Variants in LY6S observed in about 807,000 individuals in gnomAD.
LY6S encodes lymphocyte antigen 6 family member S, also known as lymphocyte antigen 6S.
At chr8:143,075,152 T>A in the LY6S span, among the ~76,000 whole-genome samples, 1 of 152,232 alleles carries the variant, frequency 6.6e-6, no homozygotes, top group East Asian at 1.9e-4. The surrounding 1 kb of genome is among the most constrained non-coding windows in gnomAD (Gnocchi z 4.1). Flanking sequence ...CCTTATTCAG[T>A]CTTGCCAGAT....
At chr8:143,069,250 C>G in the LY6S span, among the ~76,000 whole-genome samples, 1 of 152,174 alleles carries the variant, frequency 6.6e-6, no homozygotes, top group African/African-American at 2.4e-5. Context: ...GCTTAGTCAC[C>G]CTGTAACTGA....
the LY6S span, among the ~76,000 whole-genome samples, chr8:143,055,037 G>A: frequency 2.6e-5 from 4 of 152,280 alleles, no homozygotes; most frequent in Non-Finnish European, 4.4e-5. Context: ...CAGTTTGGTC[G>A]TAGAACGAAT....
chr8:143,057,743 G>A, the LY6S span: 1 of 788,774 alleles, frequency 1.3e-6, no homozygotes, highest in African/African-American at 1.7e-5. Flanking sequence ...CTTAATCACT[G>A]TGTCGATCTG....
the LY6S span, among the ~76,000 whole-genome samples, chr8:143,073,471 GC>G: frequency 7.4e-6 from 1 of 134,426 alleles, no homozygotes; most frequent in Non-Finnish European, 1.6e-5. Context: ...CGTCCCCGGG[GC>G]TCCTGTTTGA....
At chr8:143,058,990 T>A in the LY6S span, among the ~76,000 whole-genome samples, 1 of 152,274 alleles carries the variant, frequency 6.6e-6, no homozygotes, top group African/African-American at 2.4e-5. Flanking sequence ...TAAAGAGTAA[T>A]TGCTACAAAC....
the LY6S span, among the ~76,000 whole-genome samples, chr8:143,075,810 T>G: frequency 1.3e-5 from 2 of 152,348 alleles, no homozygotes; most frequent in African/African-American, 4.8e-5. This position sits in a 1 kb window ranked among gnomAD's most constrained non-coding sequence, Gnocchi z 4.1. Context: ...GATAGTAGTA[T>G]CTTAGTTTTA....
At chr8:143,071,811 C>T in the LY6S span, among the ~76,000 whole-genome samples, 914 of 152,196 alleles carry the variant, frequency 6.0e-3, 8 homozygotes, top group African/African-American at 0.021. Context: ...GGAGGGTCTC[C>T]ACTTAATCTT....
the LY6S span, among the ~76,000 whole-genome samples, chr8:143,056,409 AT>A: frequency 6.6e-6 from 1 of 152,004 alleles, no homozygotes; most frequent in East Asian, 1.9e-4. Context: ...TTAAAGTAAT[AT>A]TTTTCTATAT....
chr8:143,073,873 C>T, the LY6S span, among the ~76,000 whole-genome samples: 6 of 148,296 alleles, frequency 4.0e-5, no homozygotes, highest in South Asian at 1.3e-3. Flanking sequence ...AGCCATCGTC[C>T]CCGGGGTTCC....
the LY6S span, among the ~76,000 whole-genome samples, chr8:143,070,418 ATATTTATATATATATTATATATATAT>A: frequency 2.2e-4 from 25 of 114,542 alleles, 1 homozygote; most frequent in East Asian, 4.2e-3. Flanking sequence ...TTATGTATAT[ATATTTATATATATATTATATATATAT>A]TGTATATATA....
the LY6S span, among the ~76,000 whole-genome samples, chr8:143,044,427 C>T: frequency 3.3e-5 from 5 of 152,086 alleles, no homozygotes; most frequent in Non-Finnish European, 5.9e-5. Context: ...CCCGGAACAT[C>T]CCCTGTCCCT....
the LY6S span, chr8:143,066,604 G>A: frequency 4.9e-5 from 12 of 247,182 alleles, no homozygotes; most frequent in African/African-American, 6.8e-5. Flanking sequence ...GGCATAGACC[G>A]GAAAGAGGAC....
chr8:143,070,477 A>T, the LY6S span, among the ~76,000 whole-genome samples: 18 of 11,296 alleles, frequency 1.6e-3, no homozygotes, highest in African/African-American at 3.1e-3. Context: ...ATATATATAA[A>T]TATATATATA....
chr8:143,041,575 C>T, the LY6S span, among the ~76,000 whole-genome samples: 10 of 151,976 alleles, frequency 6.6e-5, no homozygotes, highest in East Asian at 3.9e-4. Context: ...CCTCAGCTTA[C>T]GAAGATGATG....
chr8:143,048,248 T>C, the LY6S span, among the ~76,000 whole-genome samples: 1 of 152,202 alleles, frequency 6.6e-6, no homozygotes, highest in East Asian at 1.9e-4. Flanking sequence ...TGGATATATG[T>C]GCTGCTCTCC....
the LY6S span, among the ~76,000 whole-genome samples, chr8:143,072,824 G>C: frequency 7.0e-6 from 1 of 142,868 alleles, no homozygotes; most frequent in Non-Finnish European, 1.5e-5. Context: ...TCGTCCTCGG[G>C]ATTCCTGTTT....
At chr8:143,073,190 G>A in the LY6S span, among the ~76,000 whole-genome samples, 10 of 118,710 alleles carry the variant, frequency 8.4e-5, no homozygotes, top group East Asian at 6.1e-4. Context: ...GACAGCCGTC[G>A]TCCTCGGGGT....
At chr8:143,071,509 G>T in the LY6S span, among the ~76,000 whole-genome samples, 1 of 152,206 alleles carries the variant, frequency 6.6e-6, no homozygotes, top group Admixed American at 6.5e-5. Flanking sequence ...TTTATCCATT[G>T]TACCACATGA....
chr8:143,057,927 C>G, the LY6S span: 1 of 574,614 alleles, frequency 1.7e-6, no homozygotes. Flanking sequence ...GCCCACGGTG[C>G]GGGTGGTCTC....
Sources: allele counts gnomAD v4.1 joint callset (sites outside exome capture counted in the v4.1 genomes callset), GRCh38; gene constraint gnomAD v4.1.1; non-coding constraint Gnocchi (gnomAD v3.1); transcripts MANE v1.5; gene names NCBI Gene and HGNC (gene_info 2026-07-23, HGNC 2026-07-21).